Variants in PRKD1 observed in about 807,000 individuals in gnomAD.
The protein encoded by PRKD1 is serine/threonine-protein kinase D1.
PRKD1 carries 63 observed loss-of-function variants against 95.9 expected under a neutral mutation model. The ratio of observed to expected loss-of-function variants is 0.66; its 90% CI spans 0.54 to 0.81. The LOEUF (loss-of-function observed/expected upper bound fraction) is 0.81. Among genes scored for constraint, PRKD1 ranks in the 30% least tolerant of loss-of-function variants. The pLI is 0.00. For synonymous variants in PRKD1, 425 were observed against 423.1 expected (o/e 1.00, Z -0.05); for missense variants, 1,048 against 1,165.3 (o/e 0.90, Z 1.47).
intron 1 of PRKD1, among the ~76,000 whole-genome samples, chr14:29,783,355 T>G (rs1889132003): frequency 6.6e-6 from 1 of 152,238 alleles, no homozygotes; most frequent in Non-Finnish European, 1.5e-5. Flanking sequence ...TAAATAGTGT[T>G]CTGTTGTACA....
chr14:29,594,289 A>G, intron 16 of PRKD1: 1 of 326,790 alleles, frequency 3.1e-6, no homozygotes, highest in Non-Finnish European at 6.0e-6. Flanking sequence ...AAAAAAAAAT[A>G]CATTACAACT....
chr14:29,625,512 A>T (rs1202059882), intron 12 of PRKD1, among the ~76,000 whole-genome samples: 1 of 152,078 alleles, frequency 6.6e-6, no homozygotes, highest in Admixed American at 6.6e-5. Context: ...GATGTGCATT[A>T]TGTATATTTA....
chr14:29,700,777 G>T (rs1347964790), intron 2 of PRKD1, among the ~76,000 whole-genome samples: 1 of 152,130 alleles, frequency 6.6e-6, no homozygotes, highest in African/African-American at 2.4e-5. Context: ...AAAAAAGACT[G>T]ACCTCCCCTG....
chr14:29,839,198 T>G (rs951771555), intron 1 of PRKD1, among the ~76,000 whole-genome samples: 4 of 152,168 alleles, frequency 2.6e-5, no homozygotes, highest in Non-Finnish European at 4.4e-5. Flanking sequence ...CAATTCTTAC[T>G]GAAAAATTAA....
At position 29,597,591 on chromosome 14, in the gene PRKD1, G is replaced by A. The variant is rs749756622; in HGVS notation, c.2334C>T (p.Ser778=). The part of the protein sequence containing the change: ...SVGVIIYVSL[S]GTFPFNEDED... ...CATCTTCATTAAATGGGAATGTGCCGCTTAGGCTTACATAGATGATGACCC... is the reference window on the plus strand; with the variant it reads ...CATCTTCATTAAATGGGAATGTGCCACTTAGGCTTACATAGATGATGACCC... Residue 778 remains serine, a synonymous_variant, in exon 16 of 18, where the codon AGC becomes AGT. Coordinates refer to ENST00000331968, the MANE Select transcript of PRKD1 (RefSeq NM_002742.3). 24 of 1,613,922 alleles carry A rather than the reference G, an allele frequency of 1.5e-5. No homozygotes were observed. The highest frequency in any genetic ancestry group is 6.7e-5 in the African/African-American group (5 of 74,994).
At chr14:29,683,593 G>T (rs1001621828) in intron 2 of PRKD1, among the ~76,000 whole-genome samples, 18 of 152,322 alleles carry the variant, frequency 1.2e-4, no homozygotes, top group African/African-American at 4.1e-4. Flanking sequence ...AGCCATAAAA[G>T]AGGAGGCAAG....
intron 1 of PRKD1, among the ~76,000 whole-genome samples, chr14:29,920,081 G>A (rs902052421): frequency 1.4e-5 from 2 of 145,886 alleles, no homozygotes; most frequent in African/African-American, 2.6e-5. Context: ...AGGAAGGAAG[G>A]AAGGAGAAAA....
chr14:29,904,891 T>C (rs1322516344), intron 1 of PRKD1, among the ~76,000 whole-genome samples: 2 of 152,204 alleles, frequency 1.3e-5, no homozygotes, highest in African/African-American at 4.8e-5. Flanking sequence ...TCTAAAATAC[T>C]TAGATTTGAA....
chr14:29,663,101 T>C (rs1421332371), intron 4 of PRKD1, among the ~76,000 whole-genome samples: 1 of 145,232 alleles, frequency 6.9e-6, no homozygotes, highest in Admixed American at 7.0e-5. Context: ...ATATAATATA[T>C]ATAATATATA....
chr14:29,623,356 A>C (rs1879403306), intron 13 of PRKD1, among the ~76,000 whole-genome samples: 1 of 152,212 alleles, frequency 6.6e-6, no homozygotes. Flanking sequence ...CAGTTAAATG[A>C]AACTATAAAT....
At chr14:29,835,421 G>T (rs375919661) in intron 1 of PRKD1, among the ~76,000 whole-genome samples, 2 of 152,232 alleles carry the variant, frequency 1.3e-5, no homozygotes, top group East Asian at 3.9e-4. Context: ...TAGATCTAGA[G>T]AAATTAGTTA....
chr14:29,670,989 C>G (rs1051823190), intron 2 of PRKD1, among the ~76,000 whole-genome samples: 1 of 152,004 alleles, frequency 6.6e-6, no homozygotes, highest in African/African-American at 2.4e-5. Flanking sequence ...GACTTAACAT[C>G]TGACCAGAAA....
intron 1 of PRKD1, among the ~76,000 whole-genome samples, chr14:29,814,913 T>TA: frequency 6.6e-6 from 1 of 152,202 alleles, no homozygotes; most frequent in African/African-American, 2.4e-5. Context: ...ATACACAGTG[T>TA]AAAGGATGGT....
chr14:29,837,819 T>TAA (rs1453215453), intron 1 of PRKD1, among the ~76,000 whole-genome samples: 1 of 152,220 alleles, frequency 6.6e-6, no homozygotes, highest in East Asian at 1.9e-4. Context: ...AACATATATA[T>TAA]AAAATACTGT....
At chr14:29,895,028 C>T (rs1157719510) in intron 1 of PRKD1, among the ~76,000 whole-genome samples, 7 of 151,580 alleles carry the variant, frequency 4.6e-5, no homozygotes. Context: ...TCTAGCTCAA[C>T]ACCATGTTTA....
intron 2 of PRKD1, among the ~76,000 whole-genome samples, chr14:29,705,915 C>T (rs372404603): frequency 6.6e-6 from 1 of 152,066 alleles, no homozygotes; most frequent in South Asian, 2.1e-4. Flanking sequence ...ATTAATAATG[C>T]TACTATGAAT....
intron 1 of PRKD1, among the ~76,000 whole-genome samples, chr14:29,907,845 T>C (rs1894546427): frequency 6.6e-6 from 1 of 152,248 alleles, no homozygotes; most frequent in Admixed American, 6.5e-5. Context: ...AGGAATTGTT[T>C]TATGGAATTT....
intron 1 of PRKD1, among the ~76,000 whole-genome samples, chr14:29,844,411 A>G (rs1891995524): frequency 1.3e-5 from 2 of 152,230 alleles, no homozygotes; most frequent in Admixed American, 1.3e-4. Context: ...GTAAGACAAA[A>G]TAATTGTCTA....
chr14:29,888,592 T>C (rs948723236), intron 1 of PRKD1, among the ~76,000 whole-genome samples: 2 of 152,158 alleles, frequency 1.3e-5, no homozygotes, highest in African/African-American at 2.4e-5. Flanking sequence ...TCCGAAGTGG[T>C]ACTTGAGGAA....
Sources: allele counts gnomAD v4.1 joint callset (sites outside exome capture counted in the v4.1 genomes callset), GRCh38; gene constraint gnomAD v4.1.1; transcripts MANE v1.5; gene names NCBI Gene and HGNC (gene_info 2026-07-23, HGNC 2026-07-21).